SKA3: variants seen among roughly 807,000 people sequenced by gnomAD.
The protein encoded by SKA3 is spindle and kinetochore-associated protein 3.
A neutral mutation model predicts 44.2 loss-of-function variants in SKA3; 39 were observed. The observed-to-expected ratio is 0.88, with a 90% CI of 0.68 to 1.15. The LOEUF (loss-of-function observed/expected upper bound fraction) is 1.15, where lower values mean the gene tolerates loss of function less well. SKA3 is among the 50% of genes most tolerant of loss of function. The probability of loss-of-function intolerance (pLI) is 0.00; values close to 1 mark genes in which losing one functional copy is unlikely to be tolerated. For missense variants in SKA3, 511 were observed against 485.8 expected, an observed-to-expected ratio of 1.05 and a Z score of -0.49; for synonymous variants, 192 against 172.0, an observed-to-expected ratio of 1.12 and a Z score of -0.91.
At chr13:21,163,259 T>C (rs1870534790) in intron 4 of SKA3, among the ~76,000 whole-genome samples, 1 of 152,160 alleles carries the variant, frequency 6.6e-6, no homozygotes, top group African/African-American at 2.4e-5. Flanking sequence ...TAGTCCTCTA[T>C]GGAAGCTTCC....
chr13:21,176,541 C>T lies in SKA3; in HGVS notation c.-64G>A. On this transcript the variant is annotated 5_prime_UTR_variant, in exon 1 of 9. Coordinates refer to ENST00000314759, the MANE Select transcript of SKA3 (RefSeq NM_145061.6). ...CCCCACCGCTCAGCTCACAGCCTCC[C>T]GCCACTAGTTTGAATCTCGGCGCCG... The T allele has an allele frequency of 1.0e-6, 1 of 988,688 alleles. No homozygotes were observed. Among genetic ancestry groups the T allele is most frequent in the African/African-American group, 1.7e-5 (1 of 60,174 alleles). 61.2% of individuals were successfully genotyped at this position (988,688 alleles called of 1,614,324 possible). A position where few individuals can be genotyped will look rare whatever the true frequency, so the allele number is the denominator to read the frequency against.
At chr13:21,161,984 CT>C in intron 4 of SKA3, 109 bp from the exon 5 acceptor site, 1 of 559,684 alleles carries the variant, frequency 1.8e-6, no homozygotes, top group Non-Finnish European at 2.9e-6. Flanking sequence ...TTCAGTTATG[CT>C]TTATGGTACA....
At chr13:21,165,061 T>G (rs956816934) in intron 4 of SKA3, among the ~76,000 whole-genome samples, 1 of 152,066 alleles carries the variant, frequency 6.6e-6, no homozygotes, top group African/African-American at 2.4e-5. Flanking sequence ...TATCTAAATA[T>G]TTATCTTTTT....
At chr13:21,160,945 G>A (rs1027901435) in intron 5 of SKA3, among the ~76,000 whole-genome samples, 2 of 152,136 alleles carry the variant, frequency 1.3e-5, no homozygotes, top group Non-Finnish European at 2.9e-5. Flanking sequence ...GCAACATGGT[G>A]AAACCCCTCT....
intron 4 of SKA3, among the ~76,000 whole-genome samples, chr13:21,165,811 T>C (rs1565994311): frequency 6.6e-6 from 1 of 152,046 alleles, no homozygotes; most frequent in Non-Finnish European, 1.5e-5. Flanking sequence ...GGCTCATGCC[T>C]GCAGTCCCAG....
Position 21,176,392 on chromosome 13 carries a change from A to C in SKA3, c.86T>G (p.Leu29Arg). 1 of 1,575,616 alleles carries C rather than the reference A, an allele frequency of 6.3e-7. No individual in the cohort carries two copies. The highest frequency in any genetic ancestry group is 1.2e-5 in the South Asian group (1 of 86,694). The change falls in exon 1 of 9, where the codon CTG (leucine) becomes CGG (arginine). Residue 29 changes from leucine (L) to arginine (R), a missense_variant. Physicochemically the swap from Leu to Arg is moderately radical, Grantham distance 102 (BLOSUM62 -2). Coordinates refer to ENST00000314759, the MANE Select transcript of SKA3 (RefSeq NM_145061.6). ...TCACGCACCGCTTTCCTCTCCGTCC[A>C]GCGCTCGCTGCAGCCGGGCCGTCTC... ...DCETARLQRA[L>R]DGEESDFEDY...
At chr13:21,167,872 G>T (rs1348329404) in intron 4 of SKA3, 116 bp downstream of exon 4, 6 of 789,712 alleles carry the variant, frequency 7.6e-6, no homozygotes, top group Non-Finnish European at 7.1e-6. Flanking sequence ...ATAAATATCT[G>T]AAAACTTTTT....
rs1017555675 is a variant in SKA3 at position 21,159,939 on chromosome 13, C to A, written c.878G>T (p.Gly293Val). The change falls in exon 6 of 9, where the codon GGT becomes GTT. Residue 293 changes from glycine (G) to valine (V), a missense_variant. Transcript: ENST00000314759. Reference protein sequence around the residue: ...SPLVPTFCTPGLKIPSTKNSI... With the variant: ...SPLVPTFCTPVLKIPSTKNSI... The stretch of plus-strand genomic sequence containing the variant: ...GTTCTTTGTAGATGGAATTTTCAAA[C>A]CAGGAGTACAGAATGTAGGTACCAA... The A allele has an allele frequency of 6.2e-7, 1 of 1,608,288 alleles. No individual in the cohort carries two copies. Among genetic ancestry groups the A allele is most frequent in the Non-Finnish European group, 8.5e-7 (1 of 1,177,874 alleles).
chr13:21,175,368 C>T (rs953242753), intron 1 of SKA3, among the ~76,000 whole-genome samples: 1 of 151,320 alleles, frequency 6.6e-6, no homozygotes, highest in African/African-American at 2.5e-5. Context: ...GTTCCGCCTC[C>T]CGGGTTCACG....
chr13:21,159,873 C>T (rs751041553), intron 6 of SKA3, 29 bp downstream of exon 6: 3 of 1,161,126 alleles, frequency 2.6e-6, no homozygotes, highest in Non-Finnish European at 1.1e-6. Flanking sequence ...AGGAGAAAGA[C>T]TGTGGCTTTC....
rs1167393255 is a variant in SKA3 at position 21,154,798 on chromosome 13, T to A, written c.*352A>T. The A allele has an allele frequency of 1.9e-5, 7 of 364,446 alleles. No individual in the cohort carries two copies. Among genetic ancestry groups the A allele is most frequent in the Non-Finnish European group, 3.6e-5 (7 of 194,818 alleles). The allele number at this position is 364,446 out of a possible 1,614,324, so 22.6% of individuals were successfully genotyped here. A position where few individuals can be genotyped will look rare whatever the true frequency, so the allele number is the denominator to read the frequency against. On this transcript the variant is annotated 3_prime_UTR_variant, in exon 9 of 9. Coordinates refer to ENST00000314759, the MANE Select transcript of SKA3 (RefSeq NM_145061.6). Reference sequence around the variant, plus strand: ...CAGCAATGTCTCTCTGGCCAGAAGGTCAGGGGCGGCCTCATCTGAGTAGCA... The same window carrying A: ...CAGCAATGTCTCTCTGGCCAGAAGGACAGGGGCGGCCTCATCTGAGTAGCA...
chr13:21,161,958 C>G, intron 4 of SKA3, 83 bp from the exon 5 acceptor site: 3 of 890,836 alleles, frequency 3.4e-6, no homozygotes, highest in Non-Finnish European at 5.2e-6. Flanking sequence ...TACTAAATAT[C>G]AAGTTTGGAC....
intron 4 of SKA3, among the ~76,000 whole-genome samples, chr13:21,165,940 A>G (rs555289045): frequency 6.6e-6 from 1 of 152,108 alleles, no homozygotes; most frequent in African/African-American, 2.4e-5. Flanking sequence ...TCTCAAAACA[A>G]TAACATGACA....
At chr13:21,171,210 C>T (rs553618553) in intron 3 of SKA3, among the ~76,000 whole-genome samples, 95 of 152,300 alleles carry the variant, frequency 6.2e-4, no homozygotes, top group African/African-American at 2.2e-3. Context: ...CCACTGTGCC[C>T]GTCTCACATG....
intron 4 of SKA3, among the ~76,000 whole-genome samples, chr13:21,164,169 CAT>C (rs1422213468): frequency 6.6e-6 from 1 of 152,186 alleles, no homozygotes; most frequent in Non-Finnish European, 1.5e-5. Flanking sequence ...ATCTATATAA[CAT>C]ATATATGCAC....
intron 4 of SKA3, among the ~76,000 whole-genome samples, chr13:21,163,003 C>A (rs997340181): frequency 6.6e-6 from 1 of 152,156 alleles, no homozygotes; most frequent in Non-Finnish European, 1.5e-5. Flanking sequence ...TATCATCCTG[C>A]CACTGCACTC....
At position 21,168,079 on chromosome 13, in the gene SKA3, G is replaced by C; in HGVS notation, c.652C>G (p.Pro218Ala). Residue 218 changes from proline (P) to alanine (A), a missense_variant, in exon 4 of 9, where the codon CCT becomes GCT. Coordinates refer to ENST00000314759, the MANE Select transcript of SKA3 (RefSeq NM_145061.6). ...LKMDDFECVT[P>A]KLEHFGISEY... The stretch of plus-strand genomic sequence containing the variant: ...GAGATACCAAAGTGTTCTAATTTAG[G>C]AGTTACACACTCAAAATCATCCATT... The C allele has an allele frequency of 1.9e-6, 3 of 1,614,104 alleles. No individual in the cohort carries two copies. The highest frequency in any genetic ancestry group is 2.5e-6 in the Non-Finnish European group (3 of 1,179,978).
chr13:21,171,916 T>C (rs1871076130), intron 3 of SKA3, among the ~76,000 whole-genome samples: 1 of 152,248 alleles, frequency 6.6e-6, no homozygotes, highest in Non-Finnish European at 1.5e-5. Context: ...TCAAATTTTA[T>C]AGCCAATATC....
At chr13:21,174,001 C>T (rs1230790608) in intron 1 of SKA3, among the ~76,000 whole-genome samples, 5 of 152,212 alleles carry the variant, frequency 3.3e-5, no homozygotes, top group African/African-American at 1.2e-4. Context: ...CTCATCATCA[C>T]TGGCCATCAG....
Sources: gnomAD v4.1 joint callset for allele counts (sites outside exome capture counted in the v4.1 genomes callset) on GRCh38, gnomAD v4.1.1 for gene constraint, MANE v1.5 for transcripts, NCBI Gene and HGNC (gene_info 2026-07-23, HGNC 2026-07-21) for gene names.